Variants in MYO1H observed in about 807,000 individuals in gnomAD.
MYO1H encodes unconventional myosin-Ih.
Under a neutral mutation model 149.3 loss-of-function variants are expected in MYO1H, and 118 were observed. That is an observed-to-expected ratio of 0.79 (90% CI 0.68 to 0.92). MYO1H has a LOEUF of 0.92. MYO1H is among the 40% of genes least tolerant of loss of function. The probability of loss-of-function intolerance (pLI) is 0.00; values close to 1 mark genes in which losing one functional copy is unlikely to be tolerated. For missense variants in MYO1H, 1,212 were observed against 1,280.7 expected, an observed-to-expected ratio of 0.95 and a Z score of 0.82; for synonymous variants, 447 against 465.2, an observed-to-expected ratio of 0.96 and a Z score of 0.50.
intron 7 of MYO1H, among the ~76,000 whole-genome samples, chr12:109,405,002 G>A (rs907293814): frequency 2.0e-5 from 3 of 151,988 alleles, no homozygotes; most frequent in Non-Finnish European, 2.9e-5. Flanking sequence ...CTTGAGGCTA[G>A]CAGTTTGAGA....
intron 1 of MYO1H, among the ~76,000 whole-genome samples, chr12:109,384,197 C>T (rs555744234): frequency 2.2e-3 from 334 of 152,290 alleles, no homozygotes; most frequent in Admixed American, 3.6e-3. Context: ...CTAACCCAGT[C>T]CCCATCACCT....
At chr12:109,425,534 C>T (rs1871322339) in intron 17 of MYO1H, among the ~76,000 whole-genome samples, 1 of 152,088 alleles carries the variant, frequency 6.6e-6, no homozygotes, top group African/African-American at 2.4e-5. Context: ...AAGGGACTTA[C>T]AATCTAGTGG....
At chr12:109,371,886 T>A (rs1161145464) in intron 1 of MYO1H, among the ~76,000 whole-genome samples, 1 of 152,200 alleles carries the variant, frequency 6.6e-6, no homozygotes, top group Non-Finnish European at 1.5e-5. Context: ...TATATTTGAA[T>A]AGCATTTTTC....
intron 1 of MYO1H, among the ~76,000 whole-genome samples, chr12:109,375,667 C>A (rs772862277): frequency 5.9e-5 from 9 of 152,092 alleles, no homozygotes; most frequent in Non-Finnish European, 7.4e-5. Context: ...ATGGTTGATG[C>A]TTTTTCATAT....
Position 109,407,863 on chromosome 12 carries a change from C to T in MYO1H, c.1105C>T (p.Arg369Ter), listed in dbSNP as rs760443864. The stretch of plus-strand genomic sequence containing the variant: ...TGCAATGGCAAAGGCTGTTTATGGA[C>T]GAACGTTTACTTGGCTGGTCAACAA... The change falls in exon 10 of 32, where the codon CGA becomes TGA. Residue 369 changes from arginine (R) to a stop codon, truncating the protein, a stop_gained. Coordinates refer to ENST00000310903, the Ensembl canonical transcript of MYO1H. LOFTEE classifies it high-confidence loss of function. 16 of 1,613,842 alleles carry T rather than the reference C, an allele frequency of 9.9e-6. No individual in the cohort carries two copies. Among genetic ancestry groups the T allele is most frequent in the African/African-American group, 2.7e-5 (2 of 74,908 alleles).
At chr12:109,406,247 C>T (rs1354000257) in intron 8 of MYO1H, among the ~76,000 whole-genome samples, 1 of 151,890 alleles carries the variant, frequency 6.6e-6, no homozygotes, top group Non-Finnish European at 1.5e-5. Flanking sequence ...TTTGTAATAA[C>T]GCACAATGAT....
chr12:109,385,303 T>TC (rs2137028913), intron 1 of MYO1H, among the ~76,000 whole-genome samples: 1 of 151,910 alleles, frequency 6.6e-6, no homozygotes, highest in African/African-American at 2.4e-5. Flanking sequence ...TCTTTTCTTT[T>TC]TTTTTTTTTA....
the MYO1H span, among the ~76,000 whole-genome samples, chr12:109,329,313 T>A: frequency 2.0e-5 from 3 of 152,170 alleles, no homozygotes; most frequent in Admixed American, 2.0e-4. Context: ...AGAGGAGAGT[T>A]GAGTAGTTGT....
chr12:109,447,406 C>A (rs1218162783), exon 32 of MYO1H: 4 of 602,452 alleles, frequency 6.6e-6, no homozygotes, highest in Middle Eastern at 4.3e-4. Context: ...TGGAAGCAGA[C>A]CCCAGGTCAC....
At chr12:109,331,536 C>A in the MYO1H span, among the ~76,000 whole-genome samples, 1 of 152,256 alleles carries the variant, frequency 6.6e-6, no homozygotes, top group African/African-American at 2.4e-5. Flanking sequence ...GACACAAAGT[C>A]TGGGCCCTCC....
At chr12:109,326,985 C>T in the MYO1H span, among the ~76,000 whole-genome samples, 1 of 152,110 alleles carries the variant, frequency 6.6e-6, no homozygotes, top group Non-Finnish European at 1.5e-5. Flanking sequence ...CAATACATCT[C>T]TTAGATATTA....
intron 22 of MYO1H, among the ~76,000 whole-genome samples, chr12:109,437,766 C>T (rs189394322): frequency 5.3e-5 from 8 of 151,848 alleles, no homozygotes; most frequent in Non-Finnish European, 7.4e-5. Context: ...CGAAGAAAAG[C>T]GTTTAAAAAA....
intron 7 of MYO1H, 132 bp downstream of exon 7, chr12:109,404,212 G>A (rs1046887490): frequency 2.4e-5 from 16 of 675,578 alleles, no homozygotes; most frequent in Admixed American, 1.2e-4. Context: ...GTGTGGTGGC[G>A]CACACCTGTA....
At chr12:109,354,840 G>A (rs1293188541) in intron 1 of MYO1H, among the ~76,000 whole-genome samples, 1 of 152,130 alleles carries the variant, frequency 6.6e-6, no homozygotes, top group African/African-American at 2.4e-5. Flanking sequence ...GGGACTAGCA[G>A]TATCTTTTTG....
Position 109,406,050 on chromosome 12 carries a change from T to C in MYO1H, c.963+15T>C, listed in dbSNP as rs758821426. The stretch of plus-strand genomic sequence containing the variant: ...GGATAGCCAAGGTGATGCTCCTCTT[T>C]TGGAGAGGACAGAAGGAGGGGGATG... On this transcript the variant is annotated intron_variant, in intron 8 of 31. Coordinates refer to ENST00000310903, the Ensembl canonical transcript of MYO1H. 32 of 1,573,026 alleles carry C rather than the reference T, an allele frequency of 2.0e-5. 1 individual carries two copies. The Admixed American group carries it at 4.0e-4, about 20-fold the overall frequency.
At chr12:109,370,542 A>C (rs1214361404) in intron 1 of MYO1H, among the ~76,000 whole-genome samples, 1 of 152,216 alleles carries the variant, frequency 6.6e-6, no homozygotes, top group Non-Finnish European at 1.5e-5. Flanking sequence ...CATGAGACAG[A>C]GATTTGTAAA....
At chr12:109,427,905 A>T (rs1407970978) in intron 19 of MYO1H, among the ~76,000 whole-genome samples, 1,264 of 33,176 alleles carry the variant, frequency 0.038, 71 homozygotes, top group African/African-American at 0.11. Flanking sequence ...AAAAAAAAAA[A>T]AAAAATATAT....
rs757819320 is a variant in MYO1H at position 109,392,316 on chromosome 12, T to C, written c.175-1015T>C. Among the ~76,000 whole-genome samples the C allele has an allele frequency of 3.2e-4, 48 of 152,250 alleles. 1 individual carries two copies. The highest frequency in any genetic ancestry group is 5.1e-4 in the Non-Finnish European group (35 of 68,048). ...CTCGGGCTTCAACCACAATGGCCTC[T>C]CATGCCCCTAGCCTGCCTCATGTAT... On this transcript the variant is annotated intron_variant, in intron 2 of 31. Coordinates refer to ENST00000310903, the Ensembl canonical transcript of MYO1H.
At chr12:109,346,350 C>A (rs1009211676), upstream of MYO1H, among the ~76,000 whole-genome samples, 7 of 152,072 alleles carry the variant, frequency 4.6e-5, no homozygotes, top group Admixed American at 3.3e-4. Context: ...GAACCAATCC[C>A]CCACAGATAC....
Sources: allele counts gnomAD v4.1 joint callset (sites outside exome capture counted in the v4.1 genomes callset), GRCh38; gene constraint gnomAD v4.1.1; transcripts MANE v1.5; gene names NCBI Gene and HGNC (gene_info 2026-07-23, HGNC 2026-07-21).